The following POLR3F variants were observed in gnomAD, a reference collection of about 807,000 sequenced individuals.
POLR3F encodes the protein DNA-directed RNA polymerase III subunit RPC6.
POLR3F carries 31 observed loss-of-function variants against 43.6 expected under a neutral mutation model. That is an observed-to-expected ratio of 0.71 (90% CI 0.53 to 0.96). The LOEUF is 0.96. POLR3F is among the 40% of genes least tolerant of loss of function. POLR3F has a pLI of 0.00. For missense variants in POLR3F, 316 were observed against 391.7 expected (o/e 0.81, Z 1.63); for synonymous variants, 114 against 132.5 (o/e 0.86, Z 0.96).
chr20:18,470,377 T>C (rs2059743059), intron 2 of POLR3F, among the ~76,000 whole-genome samples: 1 of 152,222 alleles, frequency 6.6e-6, no homozygotes, highest in Admixed American at 6.5e-5. Flanking sequence ...ACAGTATATG[T>C]TTTAGGCTTT....
At chr20:18,473,127 T>TATA (rs2059762240) in intron 3 of POLR3F, 2 of 339,088 alleles carry the variant, frequency 5.9e-6, no homozygotes, top group Admixed American at 4.5e-5. Context: ...TATATTTATA[T>TATA]ATAATCTTTC....
At chr20:18,477,966 T>C (rs1377718015) in intron 5 of POLR3F, among the ~76,000 whole-genome samples, 2 of 152,170 alleles carry the variant, frequency 1.3e-5, no homozygotes, top group Non-Finnish European at 2.9e-5. Context: ...CTCCAGCTCC[T>C]CTCTTCTCCC....
In POLR3F at chr20:18,483,695, A is replaced by C; in HGVS notation, c.*137A>C. The C allele has an allele frequency of 2.3e-6, 1 of 434,302 alleles. No homozygotes were observed. The highest frequency in any genetic ancestry group is 4.1e-6 in the Non-Finnish European group (1 of 246,668). The allele number at this position is 434,302 out of a possible 1,614,324, so 26.9% of individuals were successfully genotyped here. A position where few individuals can be genotyped will look rare whatever the true frequency, so the allele number is the denominator to read the frequency against. ...GACGTAGACTTGCTGCTATGAAAAC[A>C]TATTTTTTTTATTTATGAAGACTAA... On this transcript the variant is annotated 3_prime_UTR_variant, in exon 9 of 9. Transcript: ENST00000377603.
At chr20:18,470,255 G>C (rs986759355) in intron 2 of POLR3F, among the ~76,000 whole-genome samples, 1 of 152,214 alleles carries the variant, frequency 6.6e-6, no homozygotes, top group Non-Finnish European at 1.5e-5. Flanking sequence ...AGCCTTGTTG[G>C]ATTTCCAAGG....
chr20:18,468,776 ATCT>A (rs1352257441), intron 1 of POLR3F, among the ~76,000 whole-genome samples, 165 bp from the exon 2 acceptor site: 1 of 152,238 alleles, frequency 6.6e-6, no homozygotes, highest in South Asian at 2.1e-4. Context: ...TTTAGAAATC[ATCT>A]TCTTCAATTT....
Position 18,472,920 on chromosome 20 carries a change from GTTTT to G in POLR3F, c.248+15_248+18del. ...CTCTCAGAATGCTGGGTAAGTACTT[GTTTT>G]TTTAATTTTAAGAAAATGTTTATTA... On this transcript the variant is annotated intron_variant, in intron 3 of 8. Coordinates refer to ENST00000377603, the MANE Select transcript of POLR3F (RefSeq NM_006466.4). The G allele has an allele frequency of 7.9e-7, 1 of 1,263,752 alleles. No homozygotes were observed. Among genetic ancestry groups the G allele is most frequent in the African/African-American group, 1.5e-5 (1 of 66,856 alleles). The allele number at this position is 1,263,752 out of a possible 1,614,324, so 78.3% of individuals were successfully genotyped here. A position where few individuals can be genotyped will look rare whatever the true frequency, so the allele number is the denominator to read the frequency against.
In POLR3F at chr20:18,483,737, T is replaced by C. The variant is rs895187504; in HGVS notation, c.*179T>C. ...GAAGACTAAATTTATATTGGTAAAA[T>C]AGCCAGTAGAATATGAAAGAAATAA... On this transcript the variant is annotated 3_prime_UTR_variant, in exon 9 of 9. Transcript: ENST00000377603. The C allele has an allele frequency of 4.7e-6, 2 of 427,482 alleles. No homozygotes were observed. Among genetic ancestry groups the C allele is most frequent in the South Asian group, 1.4e-4 (2 of 14,378 alleles). The allele number at this position is 427,482 out of a possible 1,614,324, so 26.5% of individuals were successfully genotyped here.
At chr20:18,481,199 A>G (rs942306789) in intron 7 of POLR3F, among the ~76,000 whole-genome samples, 1 of 152,084 alleles carries the variant, frequency 6.6e-6, no homozygotes, top group Non-Finnish European at 1.5e-5. Flanking sequence ...CCACCCCAGC[A>G]TAATGTTTCT....
intron 2 of POLR3F, among the ~76,000 whole-genome samples, chr20:18,471,778 T>C (rs1237949297): frequency 6.6e-6 from 1 of 151,678 alleles, no homozygotes; most frequent in Non-Finnish European, 1.5e-5. Flanking sequence ...AGGCCAGGAG[T>C]TCAAGATCAG....
At chr20:18,470,090 C>T (rs1404446839) in intron 2 of POLR3F, among the ~76,000 whole-genome samples, 1 of 152,222 alleles carries the variant, frequency 6.6e-6, no homozygotes, top group African/African-American at 2.4e-5. Flanking sequence ...AAAAACCCAC[C>T]AAGTGGTGCC....
intron 1 of POLR3F, 137 bp from the exon 2 acceptor site, chr20:18,468,807 A>C (rs1209302617): frequency 1.6e-6 from 1 of 616,430 alleles, no homozygotes. Flanking sequence ...GCTTTGATCC[A>C]AAACCATCAC....
intron 2 of POLR3F, among the ~76,000 whole-genome samples, chr20:18,469,865 C>A (rs1297626147): frequency 1.3e-5 from 2 of 152,164 alleles, no homozygotes; most frequent in African/African-American, 4.8e-5. Context: ...TTCCACCCCC[C>A]GATTTTCCTA....
rs543646788 is a variant in POLR3F at position 18,483,495 on chromosome 20, C to T, written c.888C>T (p.Cys296=). The change falls in exon 9 of 9, where the codon TGC becomes TGT. Residue 296 remains cysteine (C), a synonymous_variant. Transcript: ENST00000377603. The part of the protein sequence containing the change: ...PCGLCPVFDD[C]HEGGEISPSN... ...CTTTTTTAAAGGTTTTTGATGACTG[C>T]CACGAAGGTGGTGAGATTTCACCAT... 159 of 1,515,428 alleles carry T rather than the reference C, an allele frequency of 1.0e-4. 1 individual carries two copies. In the South Asian group the frequency reaches 1.8e-3, roughly 17 times the overall value. 93.9% of individuals were successfully genotyped at this position (1,515,428 alleles called of 1,614,324 possible). A position where few individuals can be genotyped will look rare whatever the true frequency, so the allele number is the denominator to read the frequency against.
rs188177949 is a variant in POLR3F, at chr20:18,480,219, T to C, written c.573+38T>C. The C allele has an allele frequency of 3.7e-3, 5,780 of 1,551,986 alleles. 20 individuals are homozygous for C. Among genetic ancestry groups the C allele is most frequent in the Non-Finnish European group, 4.4e-3 (5,006 of 1,143,520 alleles). On this transcript the variant is annotated intron_variant, in intron 6 of 8. Coordinates refer to ENST00000377603, the MANE Select transcript of POLR3F (RefSeq NM_006466.4). ...TGAGGAAACATCACTGCAAACCCTC[T>C]TGTAAAAAGTTTTTCACAAAGGATT...
chr20:18,469,129 T>C, intron 2 of POLR3F, 68 bp downstream of exon 2: 1 of 781,986 alleles, frequency 1.3e-6, no homozygotes, highest in Non-Finnish European at 2.3e-6. Context: ...TATTATGTAG[T>C]TGTGATGGTT....
intron 2 of POLR3F, among the ~76,000 whole-genome samples, chr20:18,472,194 A>C (rs2059756570): frequency 6.6e-6 from 1 of 152,152 alleles, no homozygotes; most frequent in Non-Finnish European, 1.5e-5. Context: ...ACTTCAGTAA[A>C]TGTCACTGTT....
chr20:18,469,072 T>A lies in POLR3F; in HGVS notation c.180+11T>A. On this transcript the variant is annotated intron_variant, in intron 2 of 8. Coordinates refer to ENST00000377603, the MANE Select transcript of POLR3F (RefSeq NM_006466.4). ...AGGTTGTTGTCTATGGTAAGGTGAA[T>A]CTAACTATTTTGCATAATTACTGAT... The A allele has an allele frequency of 8.4e-7, 1 of 1,188,866 alleles. No individual in the cohort carries two copies. Among genetic ancestry groups the A allele is most frequent in the Non-Finnish European group, 1.3e-6 (1 of 792,056 alleles). The allele number at this position is 1,188,866 out of a possible 1,614,324, so 73.6% of individuals were successfully genotyped here. A position where few individuals can be genotyped will look rare whatever the true frequency, so the allele number is the denominator to read the frequency against.
intron 4 of POLR3F, 72 bp from the exon 5 acceptor site, chr20:18,475,003 A>G (rs1426958965): frequency 2.9e-6 from 2 of 698,374 alleles, no homozygotes; most frequent in Non-Finnish European, 5.1e-6. Flanking sequence ...GGAATGAGAC[A>G]CAAGTTAGAG....
At chr20:18,479,411 C>T (rs182227680) in intron 5 of POLR3F, among the ~76,000 whole-genome samples, 211 of 152,278 alleles carry the variant, frequency 1.4e-3, no homozygotes, top group Admixed American at 4.2e-3. Context: ...AGGAGAATCA[C>T]TTGAACCCAA....
Sources: gnomAD v4.1 joint callset for allele counts (sites outside exome capture counted in the v4.1 genomes callset) on GRCh38, gnomAD v4.1.1 for gene constraint, MANE v1.5 for transcripts, NCBI Gene and HGNC (gene_info 2026-07-23, HGNC 2026-07-21) for gene names.